POGLUT3: variants seen among roughly 807,000 people sequenced by gnomAD.
POGLUT3 encodes the protein KDEL (Lys-Asp-Glu-Leu) containing 2.
Under a neutral mutation model 54.3 loss-of-function variants are expected in POGLUT3, and 48 were observed. The ratio of observed to expected loss-of-function variants is 0.88; its 90% confidence interval spans 0.70 to 1.12. POGLUT3 has a LOEUF of 1.12. Among genes scored for constraint, POGLUT3 ranks in the 50% most tolerant of loss-of-function variants. POGLUT3 has a pLI of 0.00. For missense variants in POGLUT3, 629 were observed against 618.7 expected, an observed-to-expected ratio of 1.02 and a Z score of -0.18; for synonymous variants, 218 against 237.4, an observed-to-expected ratio of 0.92 and a Z score of 0.75.
intron 1 of POGLUT3, among the ~76,000 whole-genome samples, chr11:108,494,379 G>T (rs1170214534): frequency 6.6e-6 from 1 of 152,214 alleles, no homozygotes; most frequent in East Asian, 1.9e-4. Flanking sequence ...GAGGCTAAAT[G>T]GAAATCCTCC....
chr11:108,486,934 A>G (rs1053175868), intron 2 of POGLUT3: 2 of 154,764 alleles, frequency 1.3e-5, no homozygotes, highest in African/African-American at 4.8e-5. Context: ...TCCCTTTTGG[A>G]ATTCAGGCCT....
chr11:108,494,019 C>T (rs1257231107), intron 1 of POGLUT3, among the ~76,000 whole-genome samples: 2 of 152,102 alleles, frequency 1.3e-5, no homozygotes, highest in Admixed American at 6.5e-5. Context: ...TCACTTAGCA[C>T]TTTTTATGGG....
chr11:108,496,937 T>G (rs2093623311), intron 1 of POGLUT3, among the ~76,000 whole-genome samples: 1 of 152,254 alleles, frequency 6.6e-6, no homozygotes, highest in South Asian at 2.1e-4. Context: ...GCCTCTGTGC[T>G]TCTGCACATG....
chr11:108,486,659 C>G (rs939695254), intron 2 of POGLUT3: 4 of 500,870 alleles, frequency 8.0e-6, no homozygotes, highest in Non-Finnish European at 1.4e-5. Flanking sequence ...CTCTCCCAAT[C>G]TAACCTACTC....
At position 108,496,950 on chromosome 11, in the gene POGLUT3, A is replaced by G. The variant is rs574974187; in HGVS notation, c.202+1215T>C. Among the ~76,000 whole-genome samples, 28 of 152,366 alleles carry G rather than the reference A, an allele frequency of 1.8e-4. No individual in the cohort carries two copies. The East Asian group carries it at 5.2e-3, about 28-fold the overall frequency. On this transcript the variant is annotated intron_variant, in intron 1 of 7. Transcript: ENST00000323468. ...ACGCCTCTGTGCTTCTGCACATGCCATGGCGTCCTTCTATATGCCTGCCCA... is the reference window on the plus strand; with the variant it reads ...ACGCCTCTGTGCTTCTGCACATGCCGTGGCGTCCTTCTATATGCCTGCCCA...
chr11:108,484,820 A>G (rs538123360), intron 3 of POGLUT3, among the ~76,000 whole-genome samples: 11 of 152,302 alleles, frequency 7.2e-5, no homozygotes, highest in African/African-American at 2.6e-4. Context: ...TAAGAAAGAT[A>G]AATATTGCCC....
At chr11:108,481,471 AT>A (rs1319318805) in intron 4 of POGLUT3, 95 bp from the exon 5 acceptor site, 17 of 972,020 alleles carry the variant, frequency 1.7e-5, no homozygotes, top group Admixed American at 3.1e-5. Context: ...GTCATTTAAG[AT>A]GCTAAAGCTC....
intron 3 of POGLUT3, among the ~76,000 whole-genome samples, chr11:108,484,267 T>G (rs2093598496): frequency 6.6e-6 from 1 of 152,144 alleles, no homozygotes; most frequent in African/African-American, 2.4e-5. Context: ...GAGGCAAGAA[T>G]ACAGGGCACA....
intron 1 of POGLUT3, 57 bp downstream of exon 1, chr11:108,498,108 G>C (rs1292346370): frequency 7.1e-7 from 1 of 1,413,952 alleles, no homozygotes; most frequent in Non-Finnish European, 9.3e-7. Flanking sequence ...CTCCCGGGCG[G>C]CGGGGACGCG....
chr11:108,475,345 C>T (rs1033327748), intron 7 of POGLUT3, among the ~76,000 whole-genome samples: 2 of 152,002 alleles, frequency 1.3e-5, no homozygotes, highest in Admixed American at 6.6e-5. Context: ...AGTTGGCAGT[C>T]TCACACATTC....
intron 1 of POGLUT3, chr11:108,491,578 G>C: frequency 4.6e-6 from 1 of 215,906 alleles, no homozygotes; most frequent in South Asian, 8.4e-5. Context: ...GGGTTGGAGG[G>C]GGTCTTGCTG....
chr11:108,493,718 C>A, intron 1 of POGLUT3, among the ~76,000 whole-genome samples: 1 of 147,960 alleles, frequency 6.8e-6, no homozygotes. Context: ...GCAGGAGACT[C>A]ACTTGAACCC....
At chr11:108,483,829 C>A (rs1055367638) in intron 3 of POGLUT3, among the ~76,000 whole-genome samples, 6 of 152,122 alleles carry the variant, frequency 3.9e-5, no homozygotes, top group Non-Finnish European at 7.4e-5. Context: ...CCACCACACC[C>A]GGCTAATTTT....
chr11:108,498,053 G>C, intron 1 of POGLUT3, 112 bp downstream of exon 1: 1 of 943,798 alleles, frequency 1.1e-6, no homozygotes, highest in Non-Finnish European at 1.5e-6. Flanking sequence ...ACCCAAAAAG[G>C]GGCGACACAC....
chr11:108,488,853 G>A (rs1443187343), intron 2 of POGLUT3, among the ~76,000 whole-genome samples: 1 of 152,166 alleles, frequency 6.6e-6, no homozygotes, highest in Non-Finnish European at 1.5e-5. Flanking sequence ...TGACCAGAGA[G>A]AACAGTACTT....
In POGLUT3 at chr11:108,498,259, C is replaced by G. The variant is rs1162682425; in HGVS notation, c.108G>C (p.Gly36=). 1.1e-5 allele frequency: 17 copies of G among 1,500,676 alleles called. No individual in the cohort carries two copies. The highest frequency in any genetic ancestry group is 1.5e-5 in the Non-Finnish European group (17 of 1,125,450). 93.0% of individuals were successfully genotyped at this position (1,500,676 alleles called of 1,614,324 possible). ...LVSAPRSLVW[G]PGLQAAVVLP... Reference sequence around the variant, plus strand: ...GGACGACGGCCGCCTGCAGCCCGGGCCCCCACACCAGGCTCCGCGGCGCGC... The same window carrying G: ...GGACGACGGCCGCCTGCAGCCCGGGGCCCCACACCAGGCTCCGCGGCGCGC... The change falls in exon 1 of 8, where the codon GGG becomes GGC. Residue 36 remains glycine (G), a synonymous_variant. Coordinates refer to ENST00000323468, the MANE Select transcript of POGLUT3 (RefSeq NM_153705.5).
At position 108,486,198 on chromosome 11, in the gene POGLUT3, T is replaced by G; in HGVS notation, c.643A>C (p.Lys215Gln). ...AACAAAATCTCATCAGAGAACATCT[T>G]GAAGTCTGTGTATTTCCCTAAAGAT... is the stretch of plus-strand genomic sequence containing the variant. Reference protein sequence around the residue: ...RRSLGKYTDFKMFSDEILLSL... With the variant: ...RRSLGKYTDFQMFSDEILLSL... Residue 215 changes from lysine to glutamine, a missense_variant, in exon 3 of 8, where the codon AAG becomes CAG. Physicochemically the swap from Lys to Gln is moderately conservative, Grantham distance 53. Transcript: ENST00000323468. 1.2e-6 allele frequency: 2 copies of G among 1,613,632 alleles called. No homozygotes were observed. Among genetic ancestry groups the G allele is most frequent in the Non-Finnish European group, 1.7e-6 (2 of 1,179,570 alleles).
chr11:108,493,793 G>A (rs2093617234), intron 1 of POGLUT3, among the ~76,000 whole-genome samples: 1 of 119,624 alleles, frequency 8.4e-6, no homozygotes, highest in African/African-American at 3.3e-5. Context: ...AACAAAGCTA[G>A]ACTCTGTCTC....
chr11:108,483,265 C>A (rs1445395843), intron 3 of POGLUT3, among the ~76,000 whole-genome samples: 1 of 152,196 alleles, frequency 6.6e-6, no homozygotes, highest in East Asian at 1.9e-4. Flanking sequence ...ATCTGCCCAC[C>A]TACCAGGAAA....
Sources: gnomAD v4.1 joint callset for allele counts (sites outside exome capture counted in the v4.1 genomes callset) on GRCh38, gnomAD v4.1.1 for gene constraint, MANE v1.5 for transcripts, NCBI Gene and HGNC (gene_info 2026-07-23, HGNC 2026-07-21) for gene names.